The following UBE2L3 variants were observed in gnomAD, a reference collection of about 807,000 sequenced individuals.
UBE2L3 encodes ubiquitin-conjugating enzyme E2 L3.
A neutral mutation model predicts 17.8 loss-of-function variants in UBE2L3; 1 was observed. The ratio of observed to expected loss-of-function variants is 0.06; its 90% confidence interval spans 0.02 to 0.27. The LOEUF (loss-of-function observed/expected upper bound fraction) is 0.27. Ranked by LOEUF, UBE2L3 falls within the 10% of genes least tolerant of loss-of-function variation. The pLI is 1.00. For missense variants in UBE2L3, 40 were observed against 192.6 expected, an observed-to-expected ratio of 0.21 and a Z score of 4.69; for synonymous variants, 44 against 68.5, an observed-to-expected ratio of 0.64 and a Z score of 1.76.
chr22:21,590,923 T>G (rs913157134), intron 1 of UBE2L3, among the ~76,000 whole-genome samples: 2 of 152,198 alleles, frequency 1.3e-5, no homozygotes, highest in Non-Finnish European at 2.9e-5. Flanking sequence ...AGCCAGGCGC[T>G]GGCAGGACCA....
At chr22:21,565,754 C>CAA (rs131662), upstream of UBE2L3, among the ~76,000 whole-genome samples, 404 of 30,130 alleles carry the variant, frequency 0.013, 30 homozygotes, top group Middle Eastern at 0.14. Context: ...AACTGTGTCT[C>CAA]AAAAAAAAAA....
intron 3 of UBE2L3, among the ~76,000 whole-genome samples, chr22:21,616,651 C>G (rs1397336121): frequency 1.4e-5 from 2 of 147,864 alleles, no homozygotes; most frequent in Non-Finnish European, 3.0e-5. Context: ...GAGCGAGACT[C>G]CATCTCCAAA....
At chr22:21,609,687 A>G (rs1929372143) in intron 2 of UBE2L3, among the ~76,000 whole-genome samples, 1 of 152,052 alleles carries the variant, frequency 6.6e-6, no homozygotes, top group Non-Finnish European at 1.5e-5. Flanking sequence ...TGGGCAACAG[A>G]GCAAGACCCT....
At chr22:21,589,637 C>G (rs1928150474) in intron 1 of UBE2L3, among the ~76,000 whole-genome samples, 1 of 152,140 alleles carries the variant, frequency 6.6e-6, no homozygotes, top group Non-Finnish European at 1.5e-5. Flanking sequence ...GGCTCAAGTG[C>G]AGAGTCGTAT....
At position 21,579,172 on chromosome 22, in the gene UBE2L3, G is replaced by A. The variant is rs561407558; in HGVS notation, c.27+11401G>A. On this transcript the variant is annotated intron_variant, in intron 1 of 3. Transcript: ENST00000342192. ...CGCCTGGCTAATTTTTGTATTTTTAGTAGAGACGGGGGTTTCACCATGTTG... is the reference window on the plus strand; with the variant it reads ...CGCCTGGCTAATTTTTGTATTTTTAATAGAGACGGGGGTTTCACCATGTTG... 5.3e-5 allele frequency among the ~76,000 whole-genome samples: 8 copies of A among 152,004 alleles called. No individual in the cohort carries two copies. The South Asian group carries it at 8.3e-4, about 16-fold the overall frequency.
At chr22:21,589,230 C>G (rs1357548755) in intron 1 of UBE2L3, among the ~76,000 whole-genome samples, 1 of 149,404 alleles carries the variant, frequency 6.7e-6, no homozygotes, top group Non-Finnish European at 1.5e-5. Context: ...ACTGCAAGCT[C>G]TGCCTCCTGG....
intron 1 of UBE2L3, among the ~76,000 whole-genome samples, chr22:21,590,595 T>C (rs1232555395): frequency 6.6e-6 from 1 of 152,280 alleles, no homozygotes; most frequent in Non-Finnish European, 1.5e-5. Context: ...AAATGTTAGA[T>C]ATCTTCACTG....
Position 21,621,498 on chromosome 22 carries a change from T to C in UBE2L3, c.311-17T>C. 6.3e-7 allele frequency: 1 copy of C among 1,598,282 alleles called. No homozygotes were observed. The highest frequency in any genetic ancestry group is 8.5e-7 in the Non-Finnish European group (1 of 1,173,762). ...GAGACTGTGTTAACCCCCCATGCCT[T>C]GTCCTTCTCTTGGCAGTAATCCAGT... On this transcript the variant is annotated splice_polypyrimidine_tract_variant and intron_variant, in intron 3 of 3. Transcript: ENST00000342192.
At chr22:21,596,262 G>A (rs536411786) in intron 2 of UBE2L3, among the ~76,000 whole-genome samples, 2 of 152,202 alleles carry the variant, frequency 1.3e-5, no homozygotes, top group Admixed American at 6.5e-5. Context: ...GTGCAGTGGT[G>A]TGATCATGGC....
intron 1 of UBE2L3, among the ~76,000 whole-genome samples, chr22:21,581,455 G>T (rs907748364): frequency 6.6e-6 from 1 of 152,092 alleles, no homozygotes; most frequent in African/African-American, 2.4e-5. Context: ...TTCCCAAAAT[G>T]CTGGGATTAT....
At chr22:21,597,095 C>T (rs1012939414) in intron 2 of UBE2L3, among the ~76,000 whole-genome samples, 1 of 152,032 alleles carries the variant, frequency 6.6e-6, no homozygotes, top group Admixed American at 6.6e-5. Context: ...TCTCCCACCT[C>T]AGCCTCCCGA....
intron 2 of UBE2L3, among the ~76,000 whole-genome samples, chr22:21,603,907 ATTT>A (rs144747629): frequency 7.2e-5 from 8 of 111,328 alleles, no homozygotes; most frequent in Non-Finnish European, 1.2e-4. Context: ...GTGTTTTTTG[ATTT>A]TTTTTTTTTT....
chr22:21,575,219 A>G (rs148699887), intron 1 of UBE2L3, among the ~76,000 whole-genome samples: 1 of 147,186 alleles, frequency 6.8e-6, no homozygotes, highest in South Asian at 2.2e-4. Context: ...AGATCATGCC[A>G]CTGCACTCTG....
At chr22:21,601,307 T>C (rs908821815) in intron 2 of UBE2L3, among the ~76,000 whole-genome samples, 1 of 151,882 alleles carries the variant, frequency 6.6e-6, no homozygotes, top group Admixed American at 6.6e-5. Flanking sequence ...TTAACTCTTT[T>C]GGGTTTTTTT....
chr22:21,604,789 G>A (rs1601431230), intron 2 of UBE2L3, among the ~76,000 whole-genome samples: 2 of 152,228 alleles, frequency 1.3e-5, no homozygotes, highest in Middle Eastern at 3.4e-3. Flanking sequence ...CACATAGTTT[G>A]TGTGACTTAT....
intron 1 of UBE2L3, among the ~76,000 whole-genome samples, chr22:21,571,806 G>A (rs1034237210): frequency 1.3e-5 from 2 of 152,132 alleles, no homozygotes; most frequent in Non-Finnish European, 2.9e-5. Flanking sequence ...CTTGGGTTTC[G>A]TTGTATTAAG....
chr22:21,606,892 G>A (rs527283116), intron 2 of UBE2L3, among the ~76,000 whole-genome samples: 1 of 152,168 alleles, frequency 6.6e-6, no homozygotes, highest in African/African-American at 2.4e-5. Flanking sequence ...AGACCTGGAC[G>A]CGTGGCTTCA....
intron 1 of UBE2L3, among the ~76,000 whole-genome samples, chr22:21,581,221 A>G (rs867673360): frequency 6.6e-6 from 1 of 151,820 alleles, no homozygotes; most frequent in South Asian, 2.1e-4. Flanking sequence ...ATGCACAGCT[A>G]ATTTTTGCAT....
chr22:21,604,576 C>G (rs8140533), intron 2 of UBE2L3, among the ~76,000 whole-genome samples: 4,207 of 152,234 alleles, frequency 0.028, 205 homozygotes, highest in African/African-American at 0.095. Context: ...AAATTTTCTG[C>G]AATGTTTTAT....
Sources: gnomAD v4.1 joint callset for allele counts (sites outside exome capture counted in the v4.1 genomes callset) on GRCh38, gnomAD v4.1.1 for gene constraint, MANE v1.5 for transcripts, NCBI Gene and HGNC (gene_info 2026-07-23, HGNC 2026-07-21) for gene names.